Variants in LRBA observed in about 807,000 individuals in gnomAD.
LRBA encodes the protein lipopolysaccharide-responsive and beige-like anchor protein.
LRBA carries 176 observed loss-of-function variants against 330.0 expected under a neutral mutation model. That is an observed-to-expected ratio of 0.53 (90% confidence interval 0.47 to 0.60). The LOEUF (loss-of-function observed/expected upper bound fraction) is 0.60. Among genes scored for constraint, LRBA ranks in the 20% least tolerant of loss-of-function variants. The probability of loss-of-function intolerance (pLI) is 0.00; values close to 1 mark genes in which losing one functional copy is unlikely to be tolerated. For missense variants in LRBA, 3,259 were observed against 3,444.8 expected, an observed-to-expected ratio of 0.95 and a Z score of 1.35; for synonymous variants, 1,230 against 1,193.0, an observed-to-expected ratio of 1.03 and a Z score of -0.64.
chr4:150,838,412 T>A (rs1291397522), intron 28 of LRBA, among the ~76,000 whole-genome samples: 1 of 152,216 alleles, frequency 6.6e-6, no homozygotes, highest in South Asian at 2.1e-4. Flanking sequence ...ACTCTCCCCA[T>A]CACTTTCAGG....
At chr4:150,639,777 A>G (rs1234115609) in intron 37 of LRBA, among the ~76,000 whole-genome samples, 1 of 3,942 alleles carries the variant, frequency 2.5e-4, no homozygotes, top group African/African-American at 1.0e-3. Flanking sequence ...ATATATATAT[A>G]TATATGTGTG....
At chr4:150,849,084 A>T in intron 25 of LRBA, 86 bp from the exon 26 acceptor site, 4 of 867,996 alleles carry the variant, frequency 4.6e-6, no homozygotes, top group Non-Finnish European at 7.0e-6. Context: ...TATAAATTGC[A>T]TAAGTAGTCA....
At chr4:150,381,700 T>C (rs2151890060) in intron 47 of LRBA, among the ~76,000 whole-genome samples, 1 of 136,510 alleles carries the variant, frequency 7.3e-6, no homozygotes, top group East Asian at 2.2e-4. Flanking sequence ...TCCAATTATC[T>C]TGGATATACA....
intron 34 of LRBA, among the ~76,000 whole-genome samples, chr4:150,787,109 G>A (rs912923291): frequency 3.3e-5 from 5 of 152,014 alleles, no homozygotes; most frequent in Non-Finnish European, 5.9e-5. Flanking sequence ...GTGGGTGCCT[G>A]TAATCCCAGC....
chr4:150,658,428 A>G (rs1780437939), intron 37 of LRBA, among the ~76,000 whole-genome samples: 1 of 150,350 alleles, frequency 6.7e-6, no homozygotes, highest in Non-Finnish European at 1.5e-5. Flanking sequence ...GCTGTTATCA[A>G]GTTATCATAA....
At chr4:150,831,502 T>G (rs1344002474) in intron 29 of LRBA, among the ~76,000 whole-genome samples, 1 of 152,218 alleles carries the variant, frequency 6.6e-6, no homozygotes, top group African/African-American at 2.4e-5. Flanking sequence ...AGTTACTTGT[T>G]AACAAGTCTG....
rs56025404 is a variant in LRBA at position 151,003,885 on chromosome 4, CTGTGTGTGTGTGTGTG to C, written c.216+10526_216+10541del. 5.7e-3 allele frequency among the ~76,000 whole-genome samples: 760 copies of C among 134,194 alleles called. 3 individuals are homozygous for C. The highest frequency in any genetic ancestry group is 0.018 in the East Asian group (80 of 4,394). 88.0% of individuals were successfully genotyped at this position (134,194 alleles called of 152,430 possible). A position where few individuals can be genotyped will look rare whatever the true frequency, so the allele number is the denominator to read the frequency against. On this transcript the variant is annotated intron_variant, in intron 2 of 56. Coordinates refer to ENST00000651943, the MANE Select transcript of LRBA (RefSeq NM_001364905.1). The stretch of plus-strand genomic sequence containing the variant: ...GAATATGTGTATCTATAGCCAACTG[CTGTGTGTGTGTGTGTG>C]TGTGTGTGTGTGTGTGTGTGTGTGT...
chr4:150,887,872 G>C (rs766804392), intron 17 of LRBA, among the ~76,000 whole-genome samples: 1 of 151,572 alleles, frequency 6.6e-6, no homozygotes, highest in Non-Finnish European at 1.5e-5. Flanking sequence ...AGGAGGAAGA[G>C]AGAGATGGAT....
intron 37 of LRBA, among the ~76,000 whole-genome samples, chr4:150,631,417 A>G (rs1431616554): frequency 6.6e-6 from 1 of 152,210 alleles, no homozygotes; most frequent in Non-Finnish European, 1.5e-5. Flanking sequence ...AGTGGAAGGC[A>G]TCCAATTTAG....
At chr4:150,342,975 C>A (rs1735783870) in intron 48 of LRBA, among the ~76,000 whole-genome samples, 2 of 134,366 alleles carry the variant, frequency 1.5e-5, no homozygotes, top group African/African-American at 5.6e-5. Context: ...AGCAGATATA[C>A]AAATGTGCTA....
intron 34 of LRBA, among the ~76,000 whole-genome samples, chr4:150,783,465 C>A (rs60401177): frequency 2.4e-4 from 37 of 152,312 alleles, no homozygotes; most frequent in African/African-American, 8.9e-4. Context: ...AATTTAACTT[C>A]AATTTTGTAG....
intron 54 of LRBA, among the ~76,000 whole-genome samples, chr4:150,283,812 A>T (rs1241749405): frequency 2.0e-5 from 3 of 152,230 alleles, no homozygotes; most frequent in African/African-American, 7.2e-5. Flanking sequence ...CACTATATAA[A>T]TAACAGATGT....
At chr4:150,701,030 A>C (rs1468886451) in intron 36 of LRBA, among the ~76,000 whole-genome samples, 1 of 152,208 alleles carries the variant, frequency 6.6e-6, no homozygotes, top group Non-Finnish European at 1.5e-5. Flanking sequence ...TGCTGGGATT[A>C]CACTGTGCCT....
At chr4:150,527,861 T>C (rs548477362) in intron 40 of LRBA, among the ~76,000 whole-genome samples, 2 of 152,348 alleles carry the variant, frequency 1.3e-5, no homozygotes, top group East Asian at 3.9e-4. Context: ...GCAGATGCAG[T>C]GGATTCCAGG....
At chr4:150,930,028 A>C (rs1254955443) in intron 2 of LRBA, among the ~76,000 whole-genome samples, 3 of 152,276 alleles carry the variant, frequency 2.0e-5, no homozygotes, top group African/African-American at 7.2e-5. Context: ...TTAAAAAACA[A>C]ATCCGGCAGG....
chr4:150,438,251 G>A (rs1431992626), intron 44 of LRBA, among the ~76,000 whole-genome samples: 4 of 152,190 alleles, frequency 2.6e-5, no homozygotes, highest in African/African-American at 7.2e-5. Context: ...GGGAGGTCGA[G>A]GTGGGAGATT....
chr4:150,730,072 G>A (rs1730232852), intron 36 of LRBA, among the ~76,000 whole-genome samples: 1 of 152,122 alleles, frequency 6.6e-6, no homozygotes, highest in South Asian at 2.1e-4. Context: ...AACTCTCCAG[G>A]ACATTGGTCT....
rs769037604 is a variant in LRBA at position 150,928,520 on chromosome 4, C to T, written c.545G>A (p.Arg182Gln). The T allele has an allele frequency of 1.7e-5, 28 of 1,610,128 alleles. No homozygotes were observed. The highest frequency in any genetic ancestry group is 2.0e-5 in the Non-Finnish European group (23 of 1,177,640). Residue 182 changes from arginine (R) to glutamine (Q), a missense_variant, in exon 4 of 57, where the codon CGA (arginine) becomes CAA (glutamine). Physicochemically the swap from Arg to Gln is conservative, Grantham distance 43. Transcript: ENST00000651943. ...AGAGTACTTAAGTTTTTTTACCCAT[C>T]GTCCTTTATCTCCTTGAAGTTTACT... Reference protein sequence around the residue: ...FFSKLQGDKGRWPPHAGKLLS... With the variant: ...FFSKLQGDKGQWPPHAGKLLS...
intron 30 of LRBA, among the ~76,000 whole-genome samples, chr4:150,825,024 A>G (rs1266272363): frequency 1.3e-5 from 2 of 152,060 alleles, no homozygotes; most frequent in Non-Finnish European, 2.9e-5. Flanking sequence ...CTCAGCCCAC[A>G]AAATGCTGGA....
Sources: allele counts gnomAD v4.1 joint callset (sites outside exome capture counted in the v4.1 genomes callset), GRCh38; gene constraint gnomAD v4.1.1; transcripts MANE v1.5; gene names NCBI Gene and HGNC (gene_info 2026-07-23, HGNC 2026-07-21).